The following FGF12 variants were observed in gnomAD, a reference collection of about 807,000 sequenced individuals.
FGF12 encodes the protein fibroblast growth factor 12B.
FGF12 carries 14 observed loss-of-function variants against 23.6 expected under a neutral mutation model. The ratio of observed to expected loss-of-function variants is 0.59; its 90% CI spans 0.39 to 0.93. FGF12 has a LOEUF of 0.93. FGF12 is among the 40% of genes least tolerant of loss of function. The probability of loss-of-function intolerance (pLI) is 0.00; values close to 1 mark genes in which losing one functional copy is unlikely to be tolerated. For missense variants in FGF12, 175 were observed against 217.8 expected, an observed-to-expected ratio of 0.80 and a Z score of 1.24; for synonymous variants, 62 against 77.3, an observed-to-expected ratio of 0.80 and a Z score of 1.04.
intron 2 of FGF12, among the ~76,000 whole-genome samples, chr3:192,597,813 A>C (rs559227415): frequency 6.6e-6 from 1 of 152,352 alleles, no homozygotes; most frequent in Non-Finnish European, 1.5e-5. Context: ...CTCAGACTGA[A>C]ATACAACTTA....
chr3:192,185,740 A>C (rs1716423756), intron 4 of FGF12, among the ~76,000 whole-genome samples: 1 of 151,902 alleles, frequency 6.6e-6, no homozygotes, highest in African/African-American at 2.4e-5. Context: ...GGTGCCTGTA[A>C]TCCCAGCTAC....
chr3:192,221,417 A>C (rs1718470424), intron 4 of FGF12, among the ~76,000 whole-genome samples: 1 of 152,190 alleles, frequency 6.6e-6, no homozygotes, highest in Admixed American at 6.5e-5. Flanking sequence ...AGAATTTAAT[A>C]AGGCCTTACT....
intron 2 of FGF12, among the ~76,000 whole-genome samples, chr3:192,452,660 A>C (rs141853141): frequency 1.1e-3 from 168 of 152,314 alleles, no homozygotes; most frequent in African/African-American, 3.9e-3. Context: ...TCCTATGTGA[A>C]TCACACCCCT....
At chr3:192,170,389 G>C in intron 5 of FGF12, 69 bp downstream of exon 5, 5 of 1,344,588 alleles carry the variant, frequency 3.7e-6, no homozygotes, top group Non-Finnish European at 4.2e-6. Flanking sequence ...TGGACCAAAA[G>C]GGCAAGAAGC....
intron 2 of FGF12, among the ~76,000 whole-genome samples, chr3:192,533,625 T>C (rs1010805327): frequency 3.3e-5 from 5 of 152,198 alleles, no homozygotes; most frequent in Non-Finnish European, 7.4e-5. Flanking sequence ...TTGCTTTACT[T>C]GGACATAGAC....
At chr3:192,347,056 T>C (rs1717999413) in intron 3 of FGF12, among the ~76,000 whole-genome samples, 1 of 152,160 alleles carries the variant, frequency 6.6e-6, no homozygotes, top group Non-Finnish European at 1.5e-5. Flanking sequence ...TAAAACCTTC[T>C]GAAAAGTTTG....
At chr3:192,194,127 A>G (rs977007648) in intron 4 of FGF12, among the ~76,000 whole-genome samples, 2 of 152,224 alleles carry the variant, frequency 1.3e-5, no homozygotes, top group African/African-American at 4.8e-5. Context: ...ATAGCTTTCT[A>G]TTCCTTCAAG....
intron 5 of FGF12, among the ~76,000 whole-genome samples, chr3:192,158,339 T>TTTC (rs1714567775): frequency 2.9e-5 from 2 of 68,408 alleles, no homozygotes; most frequent in South Asian, 4.6e-4. Flanking sequence ...TTTCTCTTTC[T>TTTC]TTCTTTCTTT....
chr3:192,360,352 C>G lies in FGF12; in HGVS notation c.124+76G>C. ...GGCATAGTTTGGTAAGGCAGCTTAG[C>G]AATGCTTTAAGTATAAGATACACTG... On this transcript the variant is annotated intron_variant, in intron 3 of 5. Transcript: ENST00000445105. This position sits in a 1 kb window ranked among gnomAD's most constrained non-coding sequence, Gnocchi z 4.3. 1.0e-6 allele frequency: 1 copy of G among 1,001,440 alleles called. No homozygotes were observed. The highest frequency in any genetic ancestry group is 1.3e-5 in the South Asian group (1 of 75,562). 62.0% of individuals were successfully genotyped at this position (1,001,440 alleles called of 1,614,324 possible).
chr3:192,212,806 G>T (rs1293966159), intron 4 of FGF12, among the ~76,000 whole-genome samples: 3 of 150,656 alleles, frequency 2.0e-5, no homozygotes, highest in African/African-American at 7.4e-5. Context: ...GTTAAAAAAA[G>T]AAATAAAAAG....
intron 2 of FGF12, among the ~76,000 whole-genome samples, chr3:192,636,324 T>C (rs1577091227): frequency 6.6e-6 from 1 of 152,226 alleles, no homozygotes; most frequent in Non-Finnish European, 1.5e-5. Flanking sequence ...TTTCCTTGGT[T>C]TTATTTCAAG....
intron 4 of FGF12, chr3:192,244,944 C>G (rs931228767): frequency 2.0e-5 from 3 of 152,174 alleles, no homozygotes; most frequent in African/African-American, 4.8e-5. Flanking sequence ...CCCAAGCATG[C>G]AATTAACTGC....
At chr3:192,458,135 C>T (rs1014477509) in intron 2 of FGF12, among the ~76,000 whole-genome samples, 2 of 152,150 alleles carry the variant, frequency 1.3e-5, no homozygotes, top group East Asian at 3.9e-4. Context: ...GCCTGGATGC[C>T]CAGGCGAAAG....
chr3:192,167,754 T>TAC lies in FGF12; in HGVS notation c.427+2703_427+2704insGT, dbSNP rs1560175605. 1.4e-4 allele frequency among the ~76,000 whole-genome samples: 4 copies of TAC among 28,336 alleles called. 1 individual carries two copies. Among genetic ancestry groups the TAC allele is most frequent in the African/African-American group, 3.3e-4 (2 of 5,998 alleles). 18.6% of individuals were successfully genotyped at this position (28,336 alleles called of 152,430 possible). ...AGGTATATATATATATATATATATA[T>TAC]ATATATATATATATAAAATTTTTTT... On this transcript the variant is annotated intron_variant, in intron 5 of 5. Transcript: ENST00000445105.
chr3:192,177,172 T>C (rs559657173), intron 4 of FGF12, among the ~76,000 whole-genome samples: 2 of 152,356 alleles, frequency 1.3e-5, no homozygotes, highest in African/African-American at 4.8e-5. Flanking sequence ...TCCCTGACCT[T>C]TGGCACGCCA....
chr3:192,720,148 A>C (rs895990321), intron 2 of FGF12, among the ~76,000 whole-genome samples: 2 of 152,264 alleles, frequency 1.3e-5, no homozygotes, highest in African/African-American at 4.8e-5. Flanking sequence ...CTAATGGCCA[A>C]TCCACAAACA....
rs140349861 is a variant in FGF12, at chr3:192,270,276, G to A, written c.228+65085C>T. Among the ~76,000 whole-genome samples, 775 of 152,208 alleles carry A rather than the reference G, an allele frequency of 5.1e-3. 8 individuals carry two copies. The highest frequency in any genetic ancestry group is 0.018 in the African/African-American group (742 of 41,536). ...TTTTCTTTTCTCCAAGGAGCCTCAG[G>A]CTACATGTAATACAGCACTTAATTT... On this transcript the variant is annotated intron_variant, in intron 4 of 5. Coordinates refer to ENST00000445105, the MANE Select transcript of FGF12 (RefSeq NM_004113.6).
At chr3:192,322,550 C>CA (rs1560068973) in intron 4 of FGF12, among the ~76,000 whole-genome samples, 1 of 150,984 alleles carries the variant, frequency 6.6e-6, no homozygotes, top group African/African-American at 2.4e-5. Context: ...CTATCCTGGG[C>CA]AAAAAAATTA....
At chr3:192,617,487 T>C (rs922777206) in intron 2 of FGF12, among the ~76,000 whole-genome samples, 1 of 152,128 alleles carries the variant, frequency 6.6e-6, no homozygotes, top group African/African-American at 2.4e-5. Context: ...AACTTGACCA[T>C]TCTGGTTTGG....
Sources: gnomAD v4.1 joint callset for allele counts (sites outside exome capture counted in the v4.1 genomes callset) on GRCh38, gnomAD v4.1.1 for gene constraint, Gnocchi (gnomAD v3.1) non-coding constraint, MANE v1.5 for transcripts, NCBI Gene and HGNC (gene_info 2026-07-23, HGNC 2026-07-21) for gene names.